The following GFRA3 variants were observed in gnomAD, a reference collection of about 807,000 sequenced individuals.
GFRA3 encodes GDNF family receptor alpha-3.
GFRA3 carries 24 observed loss-of-function variants against 40.0 expected under a neutral mutation model. The observed-to-expected ratio is 0.60, with a 90% confidence interval of 0.43 to 0.84. The LOEUF is 0.84. GFRA3 is among the 40% of genes least tolerant of loss of function. The probability of loss-of-function intolerance (pLI) is 0.00; values close to 1 mark genes in which losing one functional copy is unlikely to be tolerated. For synonymous variants in GFRA3, 203 were observed against 213.5 expected (o/e 0.95, Z 0.43); for missense variants, 405 against 530.6 (o/e 0.76, Z 2.33).
intron 1 of GFRA3, among the ~76,000 whole-genome samples, chr5:138,273,191 A>G (rs1476426524): frequency 6.6e-6 from 1 of 151,976 alleles, no homozygotes; most frequent in Admixed American, 6.6e-5. Context: ...GAGCAATGAT[A>G]TTTTCCACCC....
chr5:138,264,600 G>A, intron 1 of GFRA3, 52 bp from the exon 2 acceptor site: 1 of 1,241,638 alleles, frequency 8.1e-7, no homozygotes, highest in Non-Finnish European at 1.1e-6. Context: ...TAGCTGTCTG[G>A]GAATACCAAG....
At chr5:138,256,204 C>G (rs2126611631) in intron 4 of GFRA3, among the ~76,000 whole-genome samples, 1 of 143,926 alleles carries the variant, frequency 6.9e-6, no homozygotes, top group South Asian at 2.2e-4. Flanking sequence ...GCACTCCAGC[C>G]TGGGTGACAA....
At position 138,264,564 on chromosome 5, in the gene GFRA3, C is replaced by G; in HGVS notation, c.92-16G>C. The G allele has an allele frequency of 1.9e-6, 3 of 1,556,720 alleles. No individual in the cohort carries two copies. The highest frequency in any genetic ancestry group is 2.6e-6 in the Non-Finnish European group (3 of 1,141,542). On this transcript the variant is annotated splice_polypyrimidine_tract_variant and intron_variant, in intron 1 of 7. Coordinates refer to ENST00000274721, the MANE Select transcript of GFRA3 (RefSeq NM_001496.4). ...AGGGGGTCTCCTGTAAAGGGAGATACCAGGTGAGGCTACGTAAGATTAGAA... is the reference window on the plus strand; with the variant it reads ...AGGGGGTCTCCTGTAAAGGGAGATAGCAGGTGAGGCTACGTAAGATTAGAA...
At chr5:138,262,458 CATTT>C (rs1755725699) in intron 2 of GFRA3, among the ~76,000 whole-genome samples, 1 of 152,162 alleles carries the variant, frequency 6.6e-6, no homozygotes, top group East Asian at 1.9e-4. Context: ...TTCATTCATT[CATTT>C]ATTTATTTGA....
intron 1 of GFRA3, among the ~76,000 whole-genome samples, chr5:138,265,895 C>T (rs1198480000): frequency 3.3e-5 from 5 of 152,136 alleles, no homozygotes; most frequent in African/African-American, 1.2e-4. Flanking sequence ...GGGTTTTCAT[C>T]ACGTTGGCCA....
intron 4 of GFRA3, 36 bp downstream of exon 4, chr5:138,257,603 T>A (rs776997880): frequency 2.6e-6 from 4 of 1,561,286 alleles, no homozygotes; most frequent in South Asian, 2.3e-5. Flanking sequence ...GGCGTGTGCC[T>A]CATCCCTGCC....
intron 1 of GFRA3, among the ~76,000 whole-genome samples, chr5:138,270,716 G>T (rs1316780476): frequency 3.3e-5 from 5 of 151,132 alleles, no homozygotes; most frequent in African/African-American, 1.2e-4. Context: ...CTATGGAAAA[G>T]AAAAAGTATA....
chr5:138,263,833 C>T (rs1755743913), intron 2 of GFRA3, among the ~76,000 whole-genome samples: 1 of 152,184 alleles, frequency 6.6e-6, no homozygotes. Flanking sequence ...CCTTCTCTCT[C>T]TTACATCTCC....
At position 138,274,343 on chromosome 5, in the gene GFRA3, G is replaced by A; in HGVS notation, c.82C>T (p.Leu28Phe). The A allele has an allele frequency of 7.4e-7, 1 of 1,342,318 alleles. No homozygotes were observed. The highest frequency in any genetic ancestry group is 3.0e-5 in the Admixed American group (1 of 33,576). The allele number at this position is 1,342,318 out of a possible 1,614,324, so 83.2% of individuals were successfully genotyped here. Residue 28 changes from leucine (L) to phenylalanine (F), a missense_variant, in exon 1 of 8, where the codon CTC becomes TTC. Coordinates refer to ENST00000274721, the MANE Select transcript of GFRA3 (RefSeq NM_001496.4). ...LLLLPPSPLP[L>F]AAGDPLPTES... ...GCGCTCTGACACTCACCGGCTGCGAGAGGCAGCGGCGACGGCGGCAGCAGC... is the reference window on the plus strand; with the variant it reads ...GCGCTCTGACACTCACCGGCTGCGAAAGGCAGCGGCGACGGCGGCAGCAGC...
chr5:138,270,308 C>T (rs2126621143), intron 1 of GFRA3, among the ~76,000 whole-genome samples: 1 of 148,376 alleles, frequency 6.7e-6, no homozygotes, highest in Non-Finnish European at 1.5e-5. Flanking sequence ...GGAGGCGGAG[C>T]TTGCAGTGAG....
chr5:138,265,743 G>A (rs1755774259), intron 1 of GFRA3, among the ~76,000 whole-genome samples: 1 of 151,982 alleles, frequency 6.6e-6, no homozygotes, highest in South Asian at 2.1e-4. Flanking sequence ...CTCCCAGGCT[G>A]GAGTGCAGTG....
At chr5:138,270,698 C>T (rs1755856104) in intron 1 of GFRA3, among the ~76,000 whole-genome samples, 1 of 151,752 alleles carries the variant, frequency 6.6e-6, no homozygotes, top group Non-Finnish European at 1.5e-5. Context: ...TGTATGTACC[C>T]CAATAACCTA....
chr5:138,270,641 C>T (rs1755855499), intron 1 of GFRA3, among the ~76,000 whole-genome samples: 1 of 152,148 alleles, frequency 6.6e-6, no homozygotes, highest in Non-Finnish European at 1.5e-5. Flanking sequence ...ACACCAAAAT[C>T]TCATAAATCA....
intron 4 of GFRA3, among the ~76,000 whole-genome samples, chr5:138,255,899 CAAA>C (rs35650002): frequency 8.4e-5 from 9 of 107,720 alleles, no homozygotes; most frequent in East Asian, 2.8e-4. Context: ...GACTCTGTCT[CAAA>C]AAAAAAAAAA....
chr5:138,272,250 C>T (rs1288596063), intron 1 of GFRA3, among the ~76,000 whole-genome samples: 2 of 151,364 alleles, frequency 1.3e-5, no homozygotes, highest in East Asian at 1.9e-4. Context: ...TCGTGATCTA[C>T]CCGTCTCAGC....
chr5:138,274,088 G>A (rs1173230380), intron 1 of GFRA3, among the ~76,000 whole-genome samples: 1 of 152,162 alleles, frequency 6.6e-6, no homozygotes, highest in East Asian at 1.9e-4. Flanking sequence ...GGGAAAAAGG[G>A]GCGAGGAGGA....
At chr5:138,255,483 C>T (rs1755613244) in intron 4 of GFRA3, among the ~76,000 whole-genome samples, 2 of 152,188 alleles carry the variant, frequency 1.3e-5, no homozygotes, top group East Asian at 3.8e-4. Context: ...TTTCAAATTT[C>T]CTGAAGAGAA....
At chr5:138,272,671 T>C (rs533822848) in intron 1 of GFRA3, among the ~76,000 whole-genome samples, 2 of 151,758 alleles carry the variant, frequency 1.3e-5, no homozygotes, top group Admixed American at 1.3e-4. Flanking sequence ...CAAATAAAAC[T>C]ATTAATTTCC....
At chr5:138,256,496 C>G (rs1380256043) in intron 4 of GFRA3, among the ~76,000 whole-genome samples, 1 of 150,820 alleles carries the variant, frequency 6.6e-6, no homozygotes, top group African/African-American at 2.4e-5. Context: ...CCACTGCACT[C>G]CAGCCTGGAT....
Sources: allele counts gnomAD v4.1 joint callset (sites outside exome capture counted in the v4.1 genomes callset), GRCh38; gene constraint gnomAD v4.1.1; transcripts MANE v1.5; gene names NCBI Gene and HGNC (gene_info 2026-07-23, HGNC 2026-07-21).